The following FKBP1B variants were observed in gnomAD, a reference collection of about 807,000 sequenced individuals.
FKBP1B encodes FKBP prolyl isomerase 1B, also known as peptidyl-prolyl cis-trans isomerase FKBP1B.
FKBP1B carries 4 observed loss-of-function variants against 13.5 expected under a neutral mutation model. That is an observed-to-expected ratio of 0.30 (90% confidence interval 0.15 to 0.68). The LOEUF is 0.68. Ranked by LOEUF, FKBP1B falls within the 30% of genes least tolerant of loss-of-function variation. The probability of loss-of-function intolerance (pLI) is 0.76; values close to 1 mark genes in which losing one functional copy is unlikely to be tolerated. For missense variants in FKBP1B, 93 were observed against 136.2 expected, an observed-to-expected ratio of 0.68 and a Z score of 1.58; for synonymous variants, 54 against 53.6, an observed-to-expected ratio of 1.01 and a Z score of -0.03.
chr2:24,034,892 C>T, the FKBP1B span, among the ~76,000 whole-genome samples: 1 of 151,660 alleles, frequency 6.6e-6, no homozygotes, highest in South Asian at 2.1e-4. Flanking sequence ...GTTGTTTTAA[C>T]CTTAGTTTTT....
intron 3 of FKBP1B, among the ~76,000 whole-genome samples, chr2:24,062,139 G>A (rs151166899): frequency 4.7e-4 from 71 of 152,152 alleles, no homozygotes; most frequent in African/African-American, 1.6e-3. Context: ...CCAAAGTGGT[G>A]CGAGCCACCG....
At chr2:24,042,168 G>A in the FKBP1B span, among the ~76,000 whole-genome samples, 3 of 152,194 alleles carry the variant, frequency 2.0e-5, no homozygotes, top group Admixed American at 6.5e-5. Flanking sequence ...TTGGGAGCCC[G>A]AGAAGGGCAG....
the FKBP1B span, chr2:24,038,366 T>C: frequency 1.9e-6 from 3 of 1,614,230 alleles, no homozygotes; most frequent in Non-Finnish European, 2.5e-6. Flanking sequence ...ATTTGCTGGA[T>C]GTTTGGGACT....
the FKBP1B span, among the ~76,000 whole-genome samples, chr2:24,037,330 C>CT: frequency 6.6e-6 from 1 of 152,176 alleles, no homozygotes; most frequent in East Asian, 1.9e-4. Flanking sequence ...GCAACATAAC[C>CT]TTTTTTATAA....
the FKBP1B span, chr2:24,038,392 G>C: frequency 6.2e-7 from 1 of 1,614,182 alleles, no homozygotes; most frequent in African/African-American, 1.3e-5. Flanking sequence ...TGGAATGACA[G>C]AGTAGATCAA....
At chr2:24,057,015 T>C (rs1664156993) in intron 2 of FKBP1B, among the ~76,000 whole-genome samples, 1 of 152,162 alleles carries the variant, frequency 6.6e-6, no homozygotes, top group African/African-American at 2.4e-5. Context: ...TGTTGATTTA[T>C]AGGAGTTTTG....
At chr2:24,038,199 C>T in the FKBP1B span, 30 of 1,614,190 alleles carry the variant, frequency 1.9e-5, no homozygotes, top group South Asian at 3.3e-4. Flanking sequence ...CTTCTTCCAA[C>T]ATTATTTCTC....
At chr2:24,045,289 A>G (rs192502358), upstream of FKBP1B, among the ~76,000 whole-genome samples, 1 of 152,266 alleles carries the variant, frequency 6.6e-6, no homozygotes, top group East Asian at 1.9e-4. Flanking sequence ...CATTAACCAG[A>G]GCATGTTTCA....
intron 2 of FKBP1B, among the ~76,000 whole-genome samples, chr2:24,057,501 G>T (rs1449256247): frequency 6.6e-6 from 1 of 152,108 alleles, no homozygotes. Context: ...AGTCTTCCGA[G>T]TAGCTGGGAT....
the FKBP1B span, chr2:24,033,327 C>T: frequency 9.2e-6 from 3 of 324,560 alleles, no homozygotes; most frequent in South Asian, 8.7e-5. Context: ...AAAAAAATGC[C>T]GAGAGAGTGT....
intron 2 of FKBP1B, among the ~76,000 whole-genome samples, chr2:24,057,184 T>C (rs1409664674): frequency 2.0e-5 from 3 of 151,986 alleles, no homozygotes; most frequent in Non-Finnish European, 4.4e-5. Context: ...TAAAATTTTT[T>C]TCTTTCTTTT....
chr2:24,049,149 A>T (rs1663732410), upstream of FKBP1B, among the ~76,000 whole-genome samples: 1 of 152,124 alleles, frequency 6.6e-6, no homozygotes, highest in Non-Finnish European at 1.5e-5. Flanking sequence ...AATTAAAGTG[A>T]TGGTTTCATT....
the FKBP1B span, chr2:24,038,307 G>A: frequency 5.0e-6 from 8 of 1,614,186 alleles, no homozygotes; most frequent in Non-Finnish European, 5.9e-6. Context: ...GTAATAGTTG[G>A]TCTGTCAAGA....
At chr2:24,052,919 G>T (rs1443497137) in intron 1 of FKBP1B, among the ~76,000 whole-genome samples, 1 of 151,982 alleles carries the variant, frequency 6.6e-6, no homozygotes, top group Non-Finnish European at 1.5e-5. Flanking sequence ...GCTGCACAGA[G>T]CCGAGATCAT....
chr2:24,051,834 G>A (rs1663892718), intron 1 of FKBP1B, among the ~76,000 whole-genome samples: 1 of 152,106 alleles, frequency 6.6e-6, no homozygotes, highest in African/African-American at 2.4e-5. Flanking sequence ...TCGGCTCTGT[G>A]GTTAGGCTTC....
chr2:24,044,959 A>C (rs992068749), upstream of FKBP1B, among the ~76,000 whole-genome samples: 4 of 152,164 alleles, frequency 2.6e-5, no homozygotes, highest in African/African-American at 9.6e-5. Context: ...ATATTATCAG[A>C]TATTGATATA....
the FKBP1B span, chr2:24,038,871 G>A: frequency 6.2e-7 from 1 of 1,614,220 alleles, no homozygotes. Flanking sequence ...TTGCTGTGAT[G>A]GAGCAGACGT....
chr2:24,049,502 A>C, upstream of FKBP1B: 1 of 242,558 alleles, frequency 4.1e-6, no homozygotes, highest in Non-Finnish European at 7.9e-6. Context: ...ATAAATGTCT[A>C]TTGGACGGAT....
upstream of FKBP1B, among the ~76,000 whole-genome samples, chr2:24,047,608 C>T (rs1573673813): frequency 6.6e-6 from 1 of 152,268 alleles, no homozygotes; most frequent in East Asian, 1.9e-4. Context: ...CCCCGTAAAA[C>T]CACCGACCGC....
Sources: allele counts gnomAD v4.1 joint callset (sites outside exome capture counted in the v4.1 genomes callset), GRCh38; gene constraint gnomAD v4.1.1; transcripts MANE v1.5; gene names NCBI Gene and HGNC (gene_info 2026-07-23, HGNC 2026-07-21).